The following ZFAND3 variants were observed in gnomAD, a reference collection of about 807,000 sequenced individuals.
The protein encoded by ZFAND3 is zinc finger AN1-type containing 3, also known as AN1-type zinc finger protein 3.
ZFAND3 carries 10 observed loss-of-function variants against 29.6 expected under a neutral mutation model. The ratio of observed to expected loss-of-function variants is 0.34; its 90% CI spans 0.21 to 0.57. ZFAND3 has a LOEUF of 0.57. ZFAND3 is among the 20% of genes least tolerant of loss of function. The pLI is 0.86. For synonymous variants in ZFAND3, 128 were observed against 112.6 expected (o/e 1.14, Z -0.87); for missense variants, 230 against 304.5 (o/e 0.76, Z 1.82).
intron 2 of ZFAND3, among the ~76,000 whole-genome samples, chr6:37,965,267 T>A (rs1762272741): frequency 6.6e-6 from 1 of 152,214 alleles, no homozygotes; most frequent in South Asian, 2.1e-4. Flanking sequence ...TAACTACTTA[T>A]TGACCAGTTA....
chr6:38,143,420 G>A (rs1469867252), intron 5 of ZFAND3, among the ~76,000 whole-genome samples: 8 of 152,236 alleles, frequency 5.3e-5, no homozygotes, highest in Non-Finnish European at 7.3e-5. Flanking sequence ...CTCAATCACC[G>A]CTGACTGCAC....
chr6:38,104,214 CAG>C (rs1765163915), intron 4 of ZFAND3, among the ~76,000 whole-genome samples: 1 of 152,230 alleles, frequency 6.6e-6, no homozygotes, highest in African/African-American at 2.4e-5. Flanking sequence ...ACTTAACAAA[CAG>C]GGATGGTGGC....
intron 5 of ZFAND3, among the ~76,000 whole-genome samples, chr6:38,133,521 G>A (rs569013090): frequency 5.0e-4 from 76 of 152,210 alleles, no homozygotes; most frequent in Middle Eastern, 3.4e-3. Context: ...AGGCCGAGGC[G>A]GGCGGATCAT....
chr6:37,948,690 T>A (rs907880582), intron 2 of ZFAND3, among the ~76,000 whole-genome samples: 5 of 152,234 alleles, frequency 3.3e-5, no homozygotes, highest in African/African-American at 9.6e-5. Context: ...CTTCCACTTA[T>A]AAGTGAGAAC....
chr6:38,115,674 A>G lies in ZFAND3; in HGVS notation c.362-898A>G, dbSNP rs530839633. Among the ~76,000 whole-genome samples, 166 of 152,288 alleles carry G rather than the reference A, an allele frequency of 1.1e-3. 1 individual carries two copies. The highest frequency in any genetic ancestry group is 1.8e-3 in the Non-Finnish European group (122 of 68,006). On this transcript the variant is annotated intron_variant, in intron 4 of 5. Transcript: ENST00000287218. ...AGTAATTTAGCACAAACAATTTGGA[A>G]CTTGGTAAGAGGTACATCGTGGGTA... is the stretch of plus-strand genomic sequence containing the variant.
At chr6:38,125,751 T>C (rs1422143199) in intron 5 of ZFAND3, among the ~76,000 whole-genome samples, 2 of 152,208 alleles carry the variant, frequency 1.3e-5, no homozygotes, top group African/African-American at 4.8e-5. Context: ...GGAAGTGAAT[T>C]ATTAGTGTCT....
At chr6:37,926,968 T>C (rs1340858420) in intron 1 of ZFAND3, among the ~76,000 whole-genome samples, 1 of 152,234 alleles carries the variant, frequency 6.6e-6, no homozygotes, top group Non-Finnish European at 1.5e-5. Flanking sequence ...AAGCTGGCAT[T>C]GTTTAGAATG....
intron 2 of ZFAND3, among the ~76,000 whole-genome samples, chr6:38,039,353 A>G (rs1363398969): frequency 6.6e-6 from 1 of 152,206 alleles, no homozygotes; most frequent in East Asian, 1.9e-4. Context: ...GTTCATAGCC[A>G]GCTTTAAAAC....
intron 4 of ZFAND3, among the ~76,000 whole-genome samples, chr6:38,098,723 C>T (rs542369188): frequency 1.1e-4 from 17 of 151,560 alleles, no homozygotes; most frequent in Non-Finnish European, 2.4e-4. Flanking sequence ...AGGATGGTCT[C>T]GATCTCCTGA....
At chr6:37,893,642 C>T (rs1765144187) in intron 1 of ZFAND3, among the ~76,000 whole-genome samples, 2 of 152,144 alleles carry the variant, frequency 1.3e-5, no homozygotes, top group Admixed American at 6.5e-5. Context: ...CAACCTCTGC[C>T]TCCCAGGTGC....
chr6:37,941,589 G>C (rs1470105575), intron 2 of ZFAND3, among the ~76,000 whole-genome samples: 2 of 152,138 alleles, frequency 1.3e-5, no homozygotes, highest in African/African-American at 4.8e-5. Flanking sequence ...CTTGCTCTCT[G>C]TGCTGCGTAG....
intron 1 of ZFAND3, among the ~76,000 whole-genome samples, chr6:37,855,862 C>T (rs376165739): frequency 1.5e-4 from 23 of 152,222 alleles, no homozygotes; most frequent in Non-Finnish European, 2.9e-4. Context: ...TATAAAATAA[C>T]GACATTGTTA....
chr6:37,903,677 C>T (rs61125348), intron 1 of ZFAND3, among the ~76,000 whole-genome samples: 10,682 of 152,194 alleles, frequency 0.07, 434 homozygotes, highest in Non-Finnish European at 0.095. Context: ...GCAGAGCACG[C>T]GCTCTAATAG....
chr6:37,954,159 T>A (rs1267459001), intron 2 of ZFAND3, among the ~76,000 whole-genome samples: 1 of 152,180 alleles, frequency 6.6e-6, no homozygotes, highest in African/African-American at 2.4e-5. Flanking sequence ...TTTCTCTTTA[T>A]GGCTGGTTTT....
chr6:37,992,642 C>T (rs1762778836), intron 2 of ZFAND3, among the ~76,000 whole-genome samples: 1 of 152,020 alleles, frequency 6.6e-6, no homozygotes, highest in Non-Finnish European at 1.5e-5. Context: ...AAGAAATATA[C>T]CTAAGAAAAA....
At chr6:37,861,030 G>A (rs751170949) in intron 1 of ZFAND3, among the ~76,000 whole-genome samples, 6 of 152,032 alleles carry the variant, frequency 3.9e-5, no homozygotes, top group Non-Finnish European at 7.4e-5. Context: ...AGTCCCAGGC[G>A]GGCAAATCAC....
chr6:38,057,190 A>G (rs989699562), intron 2 of ZFAND3, among the ~76,000 whole-genome samples: 8 of 152,172 alleles, frequency 5.3e-5, no homozygotes, highest in African/African-American at 1.9e-4. Context: ...CTGTTTCTGG[A>G]CCTTTCATCT....
intron 5 of ZFAND3, among the ~76,000 whole-genome samples, chr6:38,133,383 G>A (rs550672757): frequency 7.2e-5 from 11 of 152,264 alleles, no homozygotes; most frequent in East Asian, 1.9e-4. Flanking sequence ...AGGAAAAAGA[G>A]GAATAGCTTT....
At chr6:38,009,701 T>G (rs1465619985) in intron 2 of ZFAND3, among the ~76,000 whole-genome samples, 1 of 152,220 alleles carries the variant, frequency 6.6e-6, no homozygotes, top group Non-Finnish European at 1.5e-5. Context: ...CTCCTTCATC[T>G]TAAACTCCAA....
Sources: allele counts gnomAD v4.1 joint callset (sites outside exome capture counted in the v4.1 genomes callset), GRCh38; gene constraint gnomAD v4.1.1; transcripts MANE v1.5; gene names NCBI Gene and HGNC (gene_info 2026-07-23, HGNC 2026-07-21).